The following LSAMP variants were observed in gnomAD, a reference collection of about 807,000 sequenced individuals.
LSAMP encodes the protein limbic system-associated membrane protein.
A neutral mutation model predicts 38.6 loss-of-function variants in LSAMP; 7 were observed. The ratio of observed to expected loss-of-function variants is 0.18; its 90% CI spans 0.10 to 0.34. The LOEUF (loss-of-function observed/expected upper bound fraction) is 0.34. Ranked by LOEUF, LSAMP falls within the 10% of genes least tolerant of loss-of-function variation. The pLI, the probability that LSAMP is intolerant of heterozygous loss-of-function variation, is 1.00. For synonymous variants in LSAMP, 154 were observed against 166.8 expected (o/e 0.92, Z 0.59); for missense variants, 313 against 420.0 (o/e 0.75, Z 2.23).
intron 1 of LSAMP, among the ~76,000 whole-genome samples, chr3:116,370,952 G>A (rs1320718511): frequency 6.6e-6 from 1 of 152,044 alleles, no homozygotes; most frequent in East Asian, 1.9e-4. Context: ...TGAGAAAATT[G>A]TATACCAGCA....
At chr3:115,996,506 A>C (rs1939818439) in intron 3 of LSAMP, among the ~76,000 whole-genome samples, 1 of 152,154 alleles carries the variant, frequency 6.6e-6, no homozygotes, top group Non-Finnish European at 1.5e-5. Context: ...AACAGGGATA[A>C]ATGTAAAGTT....
chr3:116,040,839 G>A (rs1941155098), intron 2 of LSAMP, among the ~76,000 whole-genome samples: 1 of 152,046 alleles, frequency 6.6e-6, no homozygotes, highest in Admixed American at 6.6e-5. Flanking sequence ...CAAATCTCTG[G>A]ACTAAAGCAA....
At chr3:115,965,607 GTTT>G (rs57505678) in intron 3 of LSAMP, among the ~76,000 whole-genome samples, 1 of 137,156 alleles carries the variant, frequency 7.3e-6, no homozygotes, top group Non-Finnish European at 1.6e-5. Flanking sequence ...TGTATTTTAG[GTTT>G]TTTTTTTTTT....
intron 1 of LSAMP, among the ~76,000 whole-genome samples, chr3:116,119,246 A>G (rs1204744048): frequency 6.6e-6 from 1 of 152,002 alleles, no homozygotes; most frequent in Non-Finnish European, 1.5e-5. Flanking sequence ...AGAGTAAAAC[A>G]TGCTTTTTAA....
At chr3:116,119,125 C>T (rs1206800676) in intron 1 of LSAMP, among the ~76,000 whole-genome samples, 1 of 152,110 alleles carries the variant, frequency 6.6e-6, no homozygotes, top group Admixed American at 6.6e-5. Context: ...ATTTGCATAA[C>T]AACTTTGTCA....
rs1170325465 is a variant in LSAMP, at chr3:115,930,002, GTTTTTT to G, written c.515-77391_515-77386del. Among the ~76,000 whole-genome samples, 300 of 80,304 alleles carry G rather than the reference GTTTTTT, an allele frequency of 3.7e-3. 3 individuals are homozygous for G. Among genetic ancestry groups the G allele is most frequent in the African/African-American group, 0.013 (282 of 21,048 alleles). The allele number at this position is 80,304 out of a possible 152,430, so 52.7% of individuals were successfully genotyped here. The stretch of plus-strand genomic sequence containing the variant: ...ATCCAGATCTATAAATTTAGCAGAA[GTTTTTT>G]TTTTTTTTTTTTTTTTTTGACACAG... On this transcript the variant is annotated intron_variant, in intron 3 of 6. Transcript: ENST00000490035.
At chr3:116,277,455 G>A (rs2047071143) in intron 1 of LSAMP, among the ~76,000 whole-genome samples, 1 of 151,322 alleles carries the variant, frequency 6.6e-6, no homozygotes, top group Non-Finnish European at 1.5e-5. Context: ...TGCAGCCTCC[G>A]TCTCCCAGGT....
chr3:115,819,312 G>A (rs1476377964), intron 6 of LSAMP, among the ~76,000 whole-genome samples: 1 of 151,946 alleles, frequency 6.6e-6, no homozygotes, highest in Non-Finnish European at 1.5e-5. Flanking sequence ...GTACGTGTCT[G>A]TAATCTCAGC....
intron 1 of LSAMP, among the ~76,000 whole-genome samples, chr3:116,335,444 G>A (rs991600327): frequency 1.3e-5 from 2 of 151,978 alleles, no homozygotes. Context: ...TGGAGGACTC[G>A]CCCTTCCGGG....
At chr3:116,247,660 G>T (rs1354739039) in intron 1 of LSAMP, among the ~76,000 whole-genome samples, 1 of 152,142 alleles carries the variant, frequency 6.6e-6, no homozygotes, top group East Asian at 1.9e-4. Context: ...GTCTTTCTGT[G>T]GATGAAAACC....
chr3:115,985,963 C>T (rs567966663), intron 3 of LSAMP, among the ~76,000 whole-genome samples: 10 of 152,206 alleles, frequency 6.6e-5, no homozygotes, highest in South Asian at 6.2e-4. Flanking sequence ...GCTAACTTTT[C>T]GATCGATTTG....
At chr3:115,910,726 C>G (rs1937115705) in intron 3 of LSAMP, among the ~76,000 whole-genome samples, 1 of 152,164 alleles carries the variant, frequency 6.6e-6, no homozygotes, top group Admixed American at 6.5e-5. Flanking sequence ...CACTGCAAAC[C>G]ACTAACCTCT....
chr3:116,211,177 C>T (rs754684198), intron 1 of LSAMP, among the ~76,000 whole-genome samples: 1 of 151,966 alleles, frequency 6.6e-6, no homozygotes, highest in South Asian at 2.1e-4. Context: ...TGACGGTTAC[C>T]AGGGATGGGA....
chr3:116,382,147 A>G (rs1262446899), intron 1 of LSAMP, among the ~76,000 whole-genome samples: 2 of 152,062 alleles, frequency 1.3e-5, no homozygotes, highest in Non-Finnish European at 2.9e-5. Context: ...CAGCCATCCC[A>G]TTACTGGGTA....
At chr3:116,154,745 A>G (rs1234121174) in intron 1 of LSAMP, among the ~76,000 whole-genome samples, 1 of 152,076 alleles carries the variant, frequency 6.6e-6, no homozygotes, top group Non-Finnish European at 1.5e-5. Context: ...TGATAACCTC[A>G]AAGAGGTCTC....
In LSAMP at chr3:116,379,452, A is replaced by G. The variant is rs932432093; in HGVS notation, c.155+65425T>C. Among the ~76,000 whole-genome samples the G allele has an allele frequency of 7.2e-5, 11 of 152,140 alleles. No individual in the cohort carries two copies. In the East Asian group the frequency reaches 2.1e-3, roughly 29 times the overall value. ...TATTATTGGACATAAGGAAAGAGCC[A>G]GATCATGTGTGGTTTTTGATAGGCT... On this transcript the variant is annotated intron_variant, in intron 1 of 6. Coordinates refer to ENST00000490035, the MANE Select transcript of LSAMP (RefSeq NM_002338.5).
rs182591686 is a variant in LSAMP at position 116,199,153 on chromosome 3, G to A, written c.156-112597C>T. Among the ~76,000 whole-genome samples, 1,020 of 151,766 alleles carry A rather than the reference G, an allele frequency of 6.7e-3. 5 individuals carry two copies. The highest frequency in any genetic ancestry group is 0.011 in the Non-Finnish European group (723 of 67,928). Reference sequence around the variant, plus strand: ...TCAGTAGAAAAATTAGGGTTGAGATGTTTGCTTGTGATTTTTTTTTTTTTA... The same window carrying A: ...TCAGTAGAAAAATTAGGGTTGAGATATTTGCTTGTGATTTTTTTTTTTTTA... On this transcript the variant is annotated intron_variant, in intron 1 of 6. Transcript: ENST00000490035.
chr3:116,291,938 T>C (rs2047272208), intron 1 of LSAMP, among the ~76,000 whole-genome samples: 1 of 152,156 alleles, frequency 6.6e-6, no homozygotes, highest in African/African-American at 2.4e-5. Context: ...TGTTTGGACT[T>C]TTGGTCTTTA....
At chr3:115,828,394 ACT>A (rs926585013) in intron 6 of LSAMP, among the ~76,000 whole-genome samples, 1 of 152,064 alleles carries the variant, frequency 6.6e-6, no homozygotes, top group African/African-American at 2.4e-5. Context: ...TTTAAAAAGG[ACT>A]CTCACTCCAT....
Sources: gnomAD v4.1 joint callset for allele counts (sites outside exome capture counted in the v4.1 genomes callset) on GRCh38, gnomAD v4.1.1 for gene constraint, MANE v1.5 for transcripts, NCBI Gene and HGNC (gene_info 2026-07-23, HGNC 2026-07-21) for gene names.